CYRIB: variants seen among roughly 807,000 people sequenced by gnomAD.
CYRIB encodes CYFIP-related Rac1 interactor B.
Under a neutral mutation model 44.2 loss-of-function variants are expected in CYRIB, and 8 were observed. The observed-to-expected ratio is 0.18, with a 90% confidence interval of 0.11 to 0.33. The LOEUF (loss-of-function observed/expected upper bound fraction) is 0.33, where lower values mean the gene tolerates loss of function less well. Ranked by LOEUF, CYRIB falls within the 10% of genes least tolerant of loss-of-function variation. The pLI, the probability that CYRIB is intolerant of heterozygous loss-of-function variation, is 1.00. For missense variants in CYRIB, 185 were observed against 382.8 expected (o/e 0.48, Z 4.31); for synonymous variants, 131 against 127.2 (o/e 1.03, Z -0.20).
At chr8:129,943,466 G>A (rs1161137628), upstream of CYRIB, among the ~76,000 whole-genome samples, 3 of 151,192 alleles carry the variant, frequency 2.0e-5, no homozygotes, top group African/African-American at 4.9e-5. Context: ...GGTGGCACGC[G>A]CCTCTGTAAT....
intron 2 of CYRIB, among the ~76,000 whole-genome samples, chr8:129,968,043 T>C (rs534031693): frequency 2.0e-5 from 3 of 152,328 alleles, no homozygotes; most frequent in Admixed American, 6.5e-5. Context: ...CCCAGATCCA[T>C]CACTTACCAG....
exon 10 of CYRIB, chr8:129,849,268 G>A: frequency 1.2e-6 from 2 of 1,601,642 alleles, no homozygotes; most frequent in Admixed American, 1.8e-5. Context: ...TTTAGCAAAT[G>A]CTCCCACTGG....
chr8:129,978,076 A>C, intron 1 of CYRIB, among the ~76,000 whole-genome samples: 1 of 151,876 alleles, frequency 6.6e-6, no homozygotes. Flanking sequence ...GTGTGCCACC[A>C]TGCCTAATTT....
chr8:129,916,345 T>C (rs1261494887), intron 1 of CYRIB, among the ~76,000 whole-genome samples: 1 of 152,028 alleles, frequency 6.6e-6, no homozygotes, highest in African/African-American at 2.4e-5. Flanking sequence ...ATCACACAAA[T>C]ACCTGAGTAC....
At chr8:129,931,834 C>T (rs1239149581) in intron 1 of CYRIB, among the ~76,000 whole-genome samples, 1 of 151,856 alleles carries the variant, frequency 6.6e-6, no homozygotes, top group Non-Finnish European at 1.5e-5. Context: ...ACCATGTCAA[C>T]CAGGCTGGTC....
chr8:130,002,632 A>G (rs2096933551), intron 1 of CYRIB, among the ~76,000 whole-genome samples: 2 of 152,238 alleles, frequency 1.3e-5, no homozygotes, highest in Non-Finnish European at 2.9e-5. Flanking sequence ...CTATTTCCTC[A>G]AAGTCTTGTT....
chr8:129,931,672 G>C (rs942034461), intron 1 of CYRIB, among the ~76,000 whole-genome samples: 35 of 152,088 alleles, frequency 2.3e-4, no homozygotes, highest in Admixed American at 2.2e-3. Context: ...TGTCACCCAG[G>C]CTAGAATGCA....
chr8:129,895,315 T>C (rs1229924349), intron 2 of CYRIB, among the ~76,000 whole-genome samples: 6 of 151,730 alleles, frequency 4.0e-5, no homozygotes, highest in Admixed American at 3.9e-4. Flanking sequence ...GCTTTAGAAA[T>C]TCTGGATACC....
intron 1 of CYRIB, among the ~76,000 whole-genome samples, chr8:130,015,799 C>T (rs970552686): frequency 1.3e-5 from 2 of 152,202 alleles, no homozygotes; most frequent in East Asian, 3.9e-4. Flanking sequence ...AGATAAAAGG[C>T]GAAGAGGAAG....
intron 1 of CYRIB, among the ~76,000 whole-genome samples, chr8:129,973,101 C>G (rs1261876947): frequency 1.3e-5 from 2 of 152,134 alleles, no homozygotes; most frequent in African/African-American, 2.4e-5. Context: ...TTAAACCGTC[C>G]CAGCCACCCA....
chr8:129,858,222 G>A (rs2047235521), intron 5 of CYRIB, among the ~76,000 whole-genome samples: 1 of 152,226 alleles, frequency 6.6e-6, no homozygotes, highest in African/African-American at 2.4e-5. Flanking sequence ...TGGAGAGAAA[G>A]AGAGGACAAA....
At chr8:129,842,907 T>C (rs1041070525) in intron 11 of CYRIB, among the ~76,000 whole-genome samples, 12 of 152,228 alleles carry the variant, frequency 7.9e-5, no homozygotes, top group Non-Finnish European at 1.6e-4. Flanking sequence ...ACAGCTGTTA[T>C]ATCTCTAAAA....
chr8:129,870,190 G>A lies in CYRIB; in HGVS notation c.195+1185C>T, dbSNP rs573092631. 4.6e-5 allele frequency among the ~76,000 whole-genome samples: 7 copies of A among 152,132 alleles called. No individual in the cohort carries two copies. The South Asian group carries it at 6.2e-4, about 14-fold the overall frequency. ...TTGGGAGGCCAAAGCAGGTTGGGGCGGGGCGGGGGATCACTTGAGGCCAGG... is the reference window on the plus strand; with the variant it reads ...TTGGGAGGCCAAAGCAGGTTGGGGCAGGGCGGGGGATCACTTGAGGCCAGG... On this transcript the variant is annotated intron_variant, in intron 4 of 11. Coordinates refer to ENST00000519824, the Ensembl canonical transcript of CYRIB.
chr8:129,919,533 C>G (rs1277987125), intron 1 of CYRIB, among the ~76,000 whole-genome samples: 1 of 152,014 alleles, frequency 6.6e-6, no homozygotes, highest in African/African-American at 2.4e-5. Flanking sequence ...TGCTGGAGTT[C>G]TGTGGTTAAA....
intron 2 of CYRIB, among the ~76,000 whole-genome samples, chr8:129,969,368 A>T (rs912590163): frequency 2.0e-5 from 3 of 152,192 alleles, no homozygotes; most frequent in Non-Finnish European, 4.4e-5. Context: ...CCCCTAGATA[A>T]AATTCTTATA....
chr8:129,968,263 A>G (rs1260079780), intron 2 of CYRIB, among the ~76,000 whole-genome samples: 3 of 152,196 alleles, frequency 2.0e-5, no homozygotes, highest in Non-Finnish European at 4.4e-5. Flanking sequence ...CTCTTTAGCT[A>G]TGTCTAATCT....
chr8:129,858,541 A>AT (rs1363607937), intron 5 of CYRIB, among the ~76,000 whole-genome samples: 1 of 152,204 alleles, frequency 6.6e-6, no homozygotes, highest in Non-Finnish European at 1.5e-5. Context: ...ACAGTCGTTT[A>AT]TTCTCATCAA....
At chr8:129,883,860 T>C (rs1215512696) in intron 2 of CYRIB, among the ~76,000 whole-genome samples, 1 of 101,726 alleles carries the variant, frequency 9.8e-6, no homozygotes, top group Non-Finnish European at 2.3e-5. Flanking sequence ...AATGGGTTAA[T>C]AATAAGCACC....
At chr8:129,995,377 T>C (rs2096741687) in intron 1 of CYRIB, among the ~76,000 whole-genome samples, 1 of 152,222 alleles carries the variant, frequency 6.6e-6, no homozygotes, top group Non-Finnish European at 1.5e-5. Context: ...GCATCTGCTA[T>C]TGCAAAACAT....
Sources: allele counts gnomAD v4.1 joint callset (sites outside exome capture counted in the v4.1 genomes callset), GRCh38; gene constraint gnomAD v4.1.1; transcripts MANE v1.5; gene names NCBI Gene and HGNC (gene_info 2026-07-23, HGNC 2026-07-21).